ABCC1: variants seen among roughly 807,000 people sequenced by gnomAD.
ABCC1 encodes multidrug resistance-associated protein 1.
ABCC1 carries 83 observed loss-of-function variants against 172.9 expected under a neutral mutation model. The ratio of observed to expected loss-of-function variants is 0.48; its 90% CI spans 0.40 to 0.58. The LOEUF (loss-of-function observed/expected upper bound fraction) is 0.58, where lower values mean the gene tolerates loss of function less well. Ranked by LOEUF, ABCC1 falls within the 20% of genes least tolerant of loss-of-function variation. The pLI, the probability that ABCC1 is intolerant of heterozygous loss-of-function variation, is 0.00. For missense variants in ABCC1, 1,817 were observed against 2,002.7 expected (o/e 0.91, Z 1.77); for synonymous variants, 937 against 825.2 (o/e 1.14, Z -2.32).
chr16:16,064,570 A>G (rs1223007017), intron 12 of ABCC1, among the ~76,000 whole-genome samples: 1 of 152,166 alleles, frequency 6.6e-6, no homozygotes, highest in Non-Finnish European at 1.5e-5. Flanking sequence ...GCCGGCATCG[A>G]TTGGTACTTG....
chr16:16,093,792 C>G (rs904353785), intron 19 of ABCC1, among the ~76,000 whole-genome samples: 2 of 152,008 alleles, frequency 1.3e-5, no homozygotes, highest in Non-Finnish European at 1.5e-5. Context: ...TTGGATTAAT[C>G]AGCTCTTTTT....
At chr16:16,101,354 G>C (rs1567404051) in intron 19 of ABCC1, among the ~76,000 whole-genome samples, 2 of 152,062 alleles carry the variant, frequency 1.3e-5, no homozygotes, top group Non-Finnish European at 2.9e-5. Context: ...CATTTATAAA[G>C]CCCCCCGTGA....
chr16:16,078,323 G>A (rs2050666985), intron 15 of ABCC1, among the ~76,000 whole-genome samples: 1 of 152,156 alleles, frequency 6.6e-6, no homozygotes, highest in Non-Finnish European at 1.5e-5. Flanking sequence ...GCCTGGGGTT[G>A]ACCTGCCCCA....
intron 20 of ABCC1, among the ~76,000 whole-genome samples, chr16:16,104,399 G>C (rs8052419): frequency 1.6e-4 from 25 of 151,952 alleles, no homozygotes; most frequent in East Asian, 5.8e-4. Flanking sequence ...AGCTAGATAC[G>C]TAAGTTCCCC....
chr16:16,062,956 T>C lies in ABCC1; in HGVS notation c.1678-5200T>C, dbSNP rs185095346. Among the ~76,000 whole-genome samples, 411 of 152,332 alleles carry C rather than the reference T, an allele frequency of 2.7e-3. 5 individuals are homozygous for C. Among genetic ancestry groups the C allele is most frequent in the Non-Finnish European group, 1.9e-3 (131 of 68,040 alleles). Reference sequence around the variant, plus strand: ...TTTCTGTCTTGGATGATTTGTGAGCTTCTTGCCTTCTGTTTACCCTGAATC... The same window carrying C: ...TTTCTGTCTTGGATGATTTGTGAGCCTCTTGCCTTCTGTTTACCCTGAATC... On this transcript the variant is annotated intron_variant, in intron 12 of 30. Coordinates refer to ENST00000399410, the MANE Select transcript of ABCC1 (RefSeq NM_004996.4).
At chr16:16,124,751 C>T (rs919770355) in intron 24 of ABCC1, 38 bp from the exon 25 acceptor site, 1 of 1,613,438 alleles carries the variant, frequency 6.2e-7, no homozygotes, top group Non-Finnish European at 8.5e-7. Context: ...GTAGAGCTGA[C>T]TCCATGCCTG....
chr16:16,091,829 C>T (rs1488958353), intron 19 of ABCC1, among the ~76,000 whole-genome samples: 2 of 152,234 alleles, frequency 1.3e-5, no homozygotes, highest in East Asian at 1.9e-4. Context: ...ACAGCAGCTG[C>T]TGGCAGGGTT....
In ABCC1 at chr16:16,104,566, C is replaced by T. The variant is rs115158680; in HGVS notation, c.2735+1849C>T. Among the ~76,000 whole-genome samples the T allele has an allele frequency of 6.2e-3, 945 of 152,340 alleles. 8 individuals carry two copies. Among genetic ancestry groups the T allele is most frequent in the African/African-American group, 0.022 (898 of 41,586 alleles). On this transcript the variant is annotated intron_variant, in intron 20 of 30. Coordinates refer to ENST00000399410, the MANE Select transcript of ABCC1 (RefSeq NM_004996.4). ...AATCCCTTAGCTAGACATAAAGGGC[C>T]TCCAAGTCAGCACCAGACTCAGGAG...
chr16:16,106,731 T>C lies in ABCC1; in HGVS notation c.2736-7T>C. ...ACGGTTGACACCCTTGTGCTTTGCT[T>C]CTCCAGACAGCTCAGCAGCTCCTCC... is the stretch of plus-strand genomic sequence containing the variant. On this transcript the variant is annotated splice_polypyrimidine_tract_variant and splice_region_variant and intron_variant, in intron 20 of 30. Transcript: ENST00000399410. 6.2e-7 allele frequency: 1 copy of C among 1,613,896 alleles called. No homozygotes were observed.
chr16:15,970,833 C>G (rs2046353124), intron 1 of ABCC1, among the ~76,000 whole-genome samples: 1 of 152,182 alleles, frequency 6.6e-6, no homozygotes, highest in Non-Finnish European at 1.5e-5. Flanking sequence ...GAGCTCAAGC[C>G]ATCTTCTTGC....
In ABCC1 at chr16:15,957,246, A is replaced by ATT. The variant is rs1157024430; in HGVS notation, c.48+7466_48+7467dup. On this transcript the variant is annotated intron_variant, in intron 1 of 30. Transcript: ENST00000399410. ...AGGCACACACCACCATGCCCAGCTAATTTTTTTTTTTTTTTTTTTTGTAGA... is the reference window on the plus strand; with the variant it reads ...AGGCACACACCACCATGCCCAGCTAATTTTTTTTTTTTTTTTTTTTTTGTAGA... Among the ~76,000 whole-genome samples the ATT allele has an allele frequency of 3.1e-3, 409 of 131,104 alleles. 5 individuals carry two copies. The highest frequency in any genetic ancestry group is 9.0e-3 in the African/African-American group (298 of 33,120). The allele number at this position is 131,104 out of a possible 152,430, so 86.0% of individuals were successfully genotyped here. A position where few individuals can be genotyped will look rare whatever the true frequency, so the allele number is the denominator to read the frequency against.
chr16:15,964,546 C>G (rs552557513), intron 1 of ABCC1, among the ~76,000 whole-genome samples: 1 of 152,242 alleles, frequency 6.6e-6, no homozygotes, highest in South Asian at 2.1e-4. Context: ...TATCAGTAAT[C>G]TCTTGGGCTA....
chr16:16,130,989 C>T (rs915944526), intron 26 of ABCC1, among the ~76,000 whole-genome samples: 8 of 151,854 alleles, frequency 5.3e-5, no homozygotes, highest in Non-Finnish European at 7.4e-5. Flanking sequence ...GGTGTGGTGG[C>T]GGGTGTCTGT....
At chr16:16,002,345 A>C (rs2047344299) in intron 1 of ABCC1, among the ~76,000 whole-genome samples, 1 of 152,228 alleles carries the variant, frequency 6.6e-6, no homozygotes, top group Admixed American at 6.5e-5. Context: ...AGACATAAGC[A>C]ACCCATGATC....
intron 1 of ABCC1, among the ~76,000 whole-genome samples, chr16:15,971,226 C>A (rs529446113): frequency 6.6e-6 from 1 of 152,110 alleles, no homozygotes; most frequent in East Asian, 1.9e-4. Flanking sequence ...ATGTCTTTCA[C>A]GTAGCGCATG....
Position 15,993,136 on chromosome 16 carries a change from G to A in ABCC1, c.49-14680G>A, listed in dbSNP as rs760456177. Among the ~76,000 whole-genome samples the A allele has an allele frequency of 1.2e-4, 18 of 152,316 alleles. 1 individual carries two copies. In the South Asian group the frequency reaches 1.4e-3, roughly 12 times the overall value. Reference sequence around the variant, plus strand: ...ATCTTTGATGGACTATGAGTCTTAAGAGGACAGAGATATCGTTTCTGATTT... The same window carrying A: ...ATCTTTGATGGACTATGAGTCTTAAAAGGACAGAGATATCGTTTCTGATTT... On this transcript the variant is annotated intron_variant, in intron 1 of 30. Coordinates refer to ENST00000399410, the MANE Select transcript of ABCC1 (RefSeq NM_004996.4).
rs2047625647 is a variant in ABCC1, at chr16:16,008,175, T to G, written c.225+183T>G. Among the ~76,000 whole-genome samples the G allele has an allele frequency of 2.0e-5, 3 of 152,152 alleles. No individual in the cohort carries two copies. The South Asian group carries it at 6.2e-4, about 32-fold the overall frequency. ...TGGAGACAAACATGGGTACAAATCT[T>G]TGCTCTGCCGCTTAGTATTTGGCCT... On this transcript the variant is annotated intron_variant, in intron 2 of 30. Coordinates refer to ENST00000399410, the MANE Select transcript of ABCC1 (RefSeq NM_004996.4).
intron 26 of ABCC1, 110 bp from the exon 27 acceptor site, chr16:16,131,679 C>CT: frequency 1.5e-6 from 2 of 1,329,060 alleles, no homozygotes; most frequent in Non-Finnish European, 2.1e-6. Flanking sequence ...GTGCTGAGGC[C>CT]TGGGAGGCCA....
At chr16:16,114,273 A>G (rs567999512) in intron 22 of ABCC1, among the ~76,000 whole-genome samples, 1 of 152,338 alleles carries the variant, frequency 6.6e-6, no homozygotes, top group African/African-American at 2.4e-5. Flanking sequence ...TGTAAAACCC[A>G]GCACAGTGCT....
Sources: gnomAD v4.1 joint callset for allele counts (sites outside exome capture counted in the v4.1 genomes callset) on GRCh38, gnomAD v4.1.1 for gene constraint, MANE v1.5 for transcripts, NCBI Gene and HGNC (gene_info 2026-07-23, HGNC 2026-07-21) for gene names.